The following PHF14 variants were observed in gnomAD, a reference collection of about 807,000 sequenced individuals.
PHF14 encodes the protein PHD finger protein 14.
PHF14 carries 55 observed loss-of-function variants against 117.9 expected under a neutral mutation model. The ratio of observed to expected loss-of-function variants is 0.47; its 90% confidence interval spans 0.38 to 0.58. The LOEUF (loss-of-function observed/expected upper bound fraction) is 0.58. Ranked by LOEUF, PHF14 falls within the 20% of genes least tolerant of loss-of-function variation. The probability of loss-of-function intolerance (pLI) is 0.00; values close to 1 mark genes in which losing one functional copy is unlikely to be tolerated. For synonymous variants in PHF14, 409 were observed against 368.6 expected, an observed-to-expected ratio of 1.11 and a Z score of -1.26; for missense variants, 978 against 1,122.2, an observed-to-expected ratio of 0.87 and a Z score of 1.84.
intron 17 of PHF14, among the ~76,000 whole-genome samples, chr7:11,139,541 CA>C (rs1363830118): frequency 6.6e-6 from 1 of 152,092 alleles, no homozygotes; most frequent in Non-Finnish European, 1.5e-5. Context: ...AAATTAAAGA[CA>C]AACAGAAATC....
intron 11 of PHF14, among the ~76,000 whole-genome samples, chr7:11,039,558 G>A (rs928336717): frequency 1.3e-5 from 2 of 152,062 alleles, no homozygotes; most frequent in African/African-American, 2.4e-5. Context: ...AAGGATGATG[G>A]AGACCCACTG....
chr7:11,005,787 C>CTTTTTTTTTTTTTTT (rs951270672), intron 4 of PHF14, among the ~76,000 whole-genome samples: 1 of 84,448 alleles, frequency 1.2e-5, no homozygotes. Flanking sequence ...AGTAAAAATT[C>CTTTTTTTTTTTTTTT]TTTTTTTTTT....
At chr7:11,041,494 C>T (rs1449989959) in intron 12 of PHF14, among the ~76,000 whole-genome samples, 2 of 150,866 alleles carry the variant, frequency 1.3e-5, no homozygotes, top group Admixed American at 6.6e-5. Context: ...ATATGTTATG[C>T]ATGTGTAAAT....
At chr7:11,021,017 A>G (rs917895803) in intron 5 of PHF14, among the ~76,000 whole-genome samples, 4 of 152,236 alleles carry the variant, frequency 2.6e-5, no homozygotes, top group Non-Finnish European at 5.9e-5. Context: ...TTTGTTTTAC[A>G]TGCTGTAAAG....
At chr7:11,095,268 A>G (rs533504584) in intron 16 of PHF14, among the ~76,000 whole-genome samples, 2 of 152,192 alleles carry the variant, frequency 1.3e-5, no homozygotes, top group Non-Finnish European at 2.9e-5. Flanking sequence ...TACATTTATA[A>G]GTGAGAAAAC....
chr7:11,011,410 C>T (rs904737067), intron 4 of PHF14, among the ~76,000 whole-genome samples: 2 of 152,084 alleles, frequency 1.3e-5, no homozygotes, highest in Admixed American at 6.5e-5. Context: ...TATAAACTTA[C>T]CCATATGGTG....
intron 17 of PHF14, among the ~76,000 whole-genome samples, chr7:11,151,233 G>A (rs1050605636): frequency 2.0e-5 from 3 of 152,084 alleles, no homozygotes; most frequent in Middle Eastern, 3.2e-3. Flanking sequence ...ACTGACTTCT[G>A]TGTATTTTCT....
At chr7:11,105,341 C>A in intron 16 of PHF14, 5 of 943,544 alleles carry the variant, frequency 5.3e-6, no homozygotes, top group Non-Finnish European at 6.3e-6. Context: ...ACACTCCATT[C>A]TATTTCCCTG....
rs1488379266 is a variant in PHF14, at chr7:11,051,792, T to C, written c.2481+12T>C. 2 of 1,610,834 alleles carry C rather than the reference T, an allele frequency of 1.2e-6. No homozygotes were observed. Among genetic ancestry groups the C allele is most frequent in the African/African-American group, 2.7e-5 (2 of 74,812 alleles). On this transcript the variant is annotated intron_variant, in intron 14 of 17. Coordinates refer to ENST00000634607, the MANE Select transcript of PHF14 (RefSeq NM_001007157.2). ...CGATAAGAAACACGGTAGTTTATTT[T>C]TTATTTATCATAAGCATCATACAAT...
intron 4 of PHF14, among the ~76,000 whole-genome samples, chr7:10,994,912 G>A (rs1782581375): frequency 2.0e-5 from 3 of 152,194 alleles, no homozygotes; most frequent in Non-Finnish European, 2.9e-5. Flanking sequence ...GGGGACCCGA[G>A]CGGGTTGCCA....
intron 17 of PHF14, among the ~76,000 whole-genome samples, chr7:11,144,313 C>A (rs887131896): frequency 1.3e-5 from 2 of 151,548 alleles, no homozygotes; most frequent in African/African-American, 4.9e-5. Flanking sequence ...GGATGTTTCT[C>A]AAAAAAACTA....
intron 17 of PHF14, among the ~76,000 whole-genome samples, chr7:11,120,028 TA>T (rs944372697): frequency 2.0e-5 from 3 of 146,410 alleles, no homozygotes; most frequent in African/African-American, 7.6e-5. Context: ...AAGCAGTTTT[TA>T]TCTTTAAGTG....
intron 16 of PHF14, among the ~76,000 whole-genome samples, chr7:11,078,432 AGGG>A (rs1785951065): frequency 6.6e-6 from 1 of 152,194 alleles, no homozygotes; most frequent in Admixed American, 6.5e-5. Flanking sequence ...AGTCTCTGCC[AGGG>A]AGAGGCTGTA....
intron 17 of PHF14, among the ~76,000 whole-genome samples, chr7:11,113,401 G>T (rs958529944): frequency 6.6e-6 from 1 of 152,044 alleles, no homozygotes; most frequent in African/African-American, 2.4e-5. Context: ...GTGGAAATGC[G>T]TTAGGAAGGC....
intron 8 of PHF14, 87 bp from the exon 9 acceptor site, chr7:11,036,331 A>C: frequency 1.8e-6 from 2 of 1,127,244 alleles, no homozygotes; most frequent in Non-Finnish European, 1.3e-6. Flanking sequence ...TCTTTCTGTG[A>C]ACATGGGAAT....
chr7:11,083,262 C>T (rs1358711860), intron 16 of PHF14, among the ~76,000 whole-genome samples: 1 of 152,208 alleles, frequency 6.6e-6, no homozygotes, highest in East Asian at 1.9e-4. Context: ...AATCCTTTGT[C>T]TGAGTGTTTG....
chr7:10,975,167 T>G (rs957755262), intron 2 of PHF14, among the ~76,000 whole-genome samples: 21 of 152,206 alleles, frequency 1.4e-4, no homozygotes, highest in African/African-American at 4.8e-4. Context: ...GGGAAGGACT[T>G]TTTCCAAAGA....
At chr7:11,010,621 G>A (rs950759143) in intron 4 of PHF14, among the ~76,000 whole-genome samples, 1 of 151,704 alleles carries the variant, frequency 6.6e-6, no homozygotes, top group African/African-American at 2.4e-5. Context: ...TAGTATATAT[G>A]AAATCCATAT....
At chr7:11,134,655 C>T (rs1296973744) in intron 17 of PHF14, among the ~76,000 whole-genome samples, 1 of 151,984 alleles carries the variant, frequency 6.6e-6, no homozygotes. Flanking sequence ...AGAGCTATGA[C>T]CAGGTCAGTT....
Sources: allele counts gnomAD v4.1 joint callset (sites outside exome capture counted in the v4.1 genomes callset), GRCh38; gene constraint gnomAD v4.1.1; transcripts MANE v1.5; gene names NCBI Gene and HGNC (gene_info 2026-07-23, HGNC 2026-07-21).